FGD5: variants seen among roughly 807,000 people sequenced by gnomAD.
FGD5 encodes the protein FYVE, RhoGEF and PH domain-containing protein 5.
In FGD5, 28 loss-of-function variants were observed where a neutral mutation model predicts 133.4. The ratio of observed to expected loss-of-function variants is 0.21; its 90% CI spans 0.16 to 0.29. The LOEUF is 0.29. FGD5 is among the 10% of genes least tolerant of loss of function. The pLI, the probability that FGD5 is intolerant of heterozygous loss-of-function variation, is 1.00. For synonymous variants in FGD5, 810 were observed against 776.5 expected (o/e 1.04, Z -0.72); for missense variants, 1,858 against 1,895.2 (o/e 0.98, Z 0.36).
In FGD5 at chr3:14,921,850, C is replaced by G. The variant is rs145390057; in HGVS notation, c.3570-68C>G. The G allele has an allele frequency of 9.6e-6, 14 of 1,451,338 alleles. No individual in the cohort carries two copies. The East Asian group carries it at 3.5e-4, about 36-fold the overall frequency. The allele number at this position is 1,451,338 out of a possible 1,614,324, so 89.9% of individuals were successfully genotyped here. On this transcript the variant is annotated intron_variant, in intron 13 of 19. Coordinates refer to ENST00000285046, the MANE Select transcript of FGD5 (RefSeq NM_152536.4). ...AGGGGCATCTGAGTGAGAACCTCAT[C>G]CATGCCGAGATGGAGGGTGGGAGGC...
rs1231828756 is a variant in FGD5 at position 14,864,540 on chromosome 3, C to G, written c.2658+280C>G. Among the ~76,000 whole-genome samples, 4 of 152,222 alleles carry G rather than the reference C, an allele frequency of 2.6e-5. No homozygotes were observed. The East Asian group carries it at 7.7e-4, about 29-fold the overall frequency. Reference sequence around the variant, plus strand: ...GCTTTGTGGATGATGTGGAATAGAGCTGCCTGATTTGAATGAAGACCAGCC... The same window carrying G: ...GCTTTGTGGATGATGTGGAATAGAGGTGCCTGATTTGAATGAAGACCAGCC... On this transcript the variant is annotated intron_variant, in intron 2 of 19. Coordinates refer to ENST00000285046, the MANE Select transcript of FGD5 (RefSeq NM_152536.4).
intron 1 of FGD5, among the ~76,000 whole-genome samples, chr3:14,858,988 C>G (rs294635): frequency 0.037 from 5,626 of 152,286 alleles, 205 homozygotes; most frequent in East Asian, 0.15. Flanking sequence ...CTGCTAACTT[C>G]TGTTTAAGAT....
Position 14,922,966 on chromosome 3 carries a change from C to T in FGD5, c.3808-80C>T, listed in dbSNP as rs1318897737. 1 of 1,590,384 alleles carries T rather than the reference C, an allele frequency of 6.3e-7. No individual in the cohort carries two copies. Among genetic ancestry groups the T allele is most frequent in the Non-Finnish European group, 8.6e-7 (1 of 1,163,634 alleles). ...CTAGGGGCAGTTGTGGGTGGATTAGCAGAGGGAGCGGAGGGGAGGGGTGCA... is the reference window on the plus strand; with the variant it reads ...CTAGGGGCAGTTGTGGGTGGATTAGTAGAGGGAGCGGAGGGGAGGGGTGCA... On this transcript the variant is annotated intron_variant, in intron 15 of 19. Transcript: ENST00000285046. The surrounding 1 kb of genome is among the most constrained non-coding windows in gnomAD (Gnocchi z 4.1).
intron 1 of FGD5, among the ~76,000 whole-genome samples, chr3:14,854,840 G>A (rs930704842): frequency 2.0e-4 from 31 of 152,106 alleles, no homozygotes; most frequent in Non-Finnish European, 7.4e-5. Flanking sequence ...CATCTCAAAC[G>A]TTGATCATTT....
At chr3:14,842,552 C>T (rs1693971110) in intron 1 of FGD5, among the ~76,000 whole-genome samples, 1 of 152,220 alleles carries the variant, frequency 6.6e-6, no homozygotes, top group South Asian at 2.1e-4. Context: ...ACCCTGATGT[C>T]CCTTCACTCT....
In FGD5 at chr3:14,810,939, T is replaced by TCCCGGGGAG. The variant is rs2036282606; in HGVS notation, c.13+82_13+90dup. ...CCGGCCGGGCGCTCCAAGTTGGAGC[T>TCCCGGGGAG]CCCGGGGAGCCCGGGGCTAGCTGCC... On this transcript the variant is annotated intron_variant, in intron 1 of 1. Coordinates refer to the FGD5 transcript ENST00000640506. 6 of 975,900 alleles carry TCCCGGGGAG rather than the reference T, an allele frequency of 6.1e-6. No individual in the cohort carries two copies. The Admixed American group carries it at 3.7e-4, about 60-fold the overall frequency. The allele number at this position is 975,900 out of a possible 1,614,324, so 60.5% of individuals were successfully genotyped here. A position where few individuals can be genotyped will look rare whatever the true frequency, so the allele number is the denominator to read the frequency against.
At chr3:14,856,161 T>C (rs1602301) in intron 1 of FGD5, among the ~76,000 whole-genome samples, 5,614 of 152,308 alleles carry the variant, frequency 0.037, 201 homozygotes, top group East Asian at 0.15. Context: ...TTGGCACTTT[T>C]GTCAAAACAT....
At chr3:14,818,247 A>T (rs7624476), upstream of FGD5, among the ~76,000 whole-genome samples, 2 of 152,018 alleles carry the variant, frequency 1.3e-5, no homozygotes, top group Non-Finnish European at 2.9e-5. Context: ...TTGCATGCCC[A>T]TGAAATTTGG....
At chr3:14,923,965 C>T (rs1454704744) in intron 16 of FGD5, 43 bp from the exon 17 acceptor site, 4 of 1,611,898 alleles carry the variant, frequency 2.5e-6, no homozygotes, top group Admixed American at 3.3e-5. Flanking sequence ...AAGCCGCAGG[C>T]ACGCCTCTCA....
intron 2 of FGD5, among the ~76,000 whole-genome samples, chr3:14,869,512 C>T (rs1417235478): frequency 6.6e-6 from 1 of 152,174 alleles, no homozygotes; most frequent in East Asian, 1.9e-4. Context: ...CATTACATTG[C>T]CATGCAGCCA....
intron 2 of FGD5, among the ~76,000 whole-genome samples, chr3:14,877,277 G>A (rs1284325074): frequency 2.0e-5 from 3 of 152,236 alleles, no homozygotes; most frequent in East Asian, 1.9e-4. Flanking sequence ...GCCGCCTGGC[G>A]AAGACACATC....
At chr3:14,892,147 T>G (rs1243184146) in intron 4 of FGD5, among the ~76,000 whole-genome samples, 2 of 151,840 alleles carry the variant, frequency 1.3e-5, no homozygotes, top group Non-Finnish European at 2.9e-5. Context: ...CTGTCCATCC[T>G]CTCTCTCAGG....
At chr3:14,886,036 C>A (rs775473291) in intron 4 of FGD5, among the ~76,000 whole-genome samples, 3 of 152,186 alleles carry the variant, frequency 2.0e-5, no homozygotes, top group Non-Finnish European at 4.4e-5. Flanking sequence ...ATTCTTCTTT[C>A]TTGTGAAATA....
chr3:14,849,764 G>GT (rs2125092750), intron 1 of FGD5, among the ~76,000 whole-genome samples: 1 of 152,228 alleles, frequency 6.6e-6, no homozygotes, highest in Non-Finnish European at 1.5e-5. Context: ...CTGTGCACCT[G>GT]TTTCTCCATC....
chr3:14,852,892 C>T (rs1391814577), intron 1 of FGD5, among the ~76,000 whole-genome samples: 1 of 152,178 alleles, frequency 6.6e-6, no homozygotes, highest in Non-Finnish European at 1.5e-5. Context: ...AGGGCCTGGC[C>T]CCCAGGCTGT....
intron 1 of FGD5, among the ~76,000 whole-genome samples, chr3:14,845,819 A>T (rs1226377020): frequency 6.6e-6 from 1 of 152,212 alleles, no homozygotes; most frequent in Non-Finnish European, 1.5e-5. Flanking sequence ...AGACCCTGGG[A>T]TACAGAAGCA....
At chr3:14,877,680 T>C (rs1027886941) in intron 2 of FGD5, among the ~76,000 whole-genome samples, 3 of 151,872 alleles carry the variant, frequency 2.0e-5, no homozygotes, top group African/African-American at 4.8e-5. Flanking sequence ...GGATCCGGAG[T>C]GAGGAAGCCT....
intron 18 of FGD5, among the ~76,000 whole-genome samples, chr3:14,926,541 C>G (rs934426923): frequency 3.3e-5 from 5 of 152,262 alleles, no homozygotes; most frequent in African/African-American, 1.2e-4. Flanking sequence ...TTCCTACTGT[C>G]TGCTTAGATT....
At chr3:14,907,113 C>T (rs1006586572) in intron 9 of FGD5, among the ~76,000 whole-genome samples, 1 of 152,214 alleles carries the variant, frequency 6.6e-6, no homozygotes, top group East Asian at 1.9e-4. Flanking sequence ...ACAGGGTGGG[C>T]GCTTGTTGTA....
Sources: allele counts gnomAD v4.1 joint callset (sites outside exome capture counted in the v4.1 genomes callset), GRCh38; gene constraint gnomAD v4.1.1; non-coding constraint Gnocchi (gnomAD v3.1); transcripts MANE v1.5; gene names NCBI Gene and HGNC (gene_info 2026-07-23, HGNC 2026-07-21).